Variants in RTL4 observed in about 807,000 individuals in gnomAD.
The protein encoded by RTL4 is retrotransposon Gag-like protein 4.
RTL4 carries 4 observed loss-of-function variants against 5.3 expected under a neutral mutation model. That is an observed-to-expected ratio of 0.75 (90% CI 0.37 to 1.72). The LOEUF is 1.72. Among genes scored for constraint, RTL4 ranks in the 40% most tolerant of loss-of-function variants. The pLI is 0.04. For synonymous variants in RTL4, 98 were observed against 87.3 expected, an observed-to-expected ratio of 1.12 and a Z score of -0.68; for missense variants, 260 against 227.1, an observed-to-expected ratio of 1.14 and a Z score of -0.93.
the RTL4 span, among the ~76,000 whole-genome samples, chrX:112,263,110 G>C: frequency 9.6e-6 from 1 of 104,062 alleles, no homozygotes; most frequent in South Asian, 4.6e-4. Context: ...TGTAAATGAC[G>C]AGTTAATGGG....
the RTL4 span, among the ~76,000 whole-genome samples, chrX:112,092,263 T>C: frequency 8.9e-6 from 1 of 112,019 alleles, no homozygotes; most frequent in Non-Finnish European, 1.9e-5. Context: ...TGTCTTTGTC[T>C]ATATGTAAAA....
chrX:112,222,424 A>G, the RTL4 span, among the ~76,000 whole-genome samples: 1 of 111,692 alleles, frequency 9.0e-6, no homozygotes, highest in Non-Finnish European at 1.9e-5. Flanking sequence ...CTGCAATAGT[A>G]AAGATATTCC....
the RTL4 span, among the ~76,000 whole-genome samples, chrX:112,366,165 T>C: frequency 9.0e-6 from 1 of 111,535 alleles, no homozygotes; most frequent in South Asian, 3.8e-4. Context: ...CATTAGCAGA[T>C]CTGAGCTTTA....
the RTL4 span, among the ~76,000 whole-genome samples, chrX:112,406,032 C>T: frequency 9.0e-6 from 1 of 110,628 alleles, no homozygotes; most frequent in Admixed American, 9.6e-5. Context: ...GCATTTAAAC[C>T]ACCCCTAGCC....
the RTL4 span, among the ~76,000 whole-genome samples, chrX:112,116,783 T>C: frequency 1.8e-5 from 2 of 111,447 alleles, no homozygotes; most frequent in African/African-American, 6.5e-5. Context: ...TCACTAAGAG[T>C]CCAACAAAGT....
chrX:112,118,799 T>G, the RTL4 span, among the ~76,000 whole-genome samples: 2 of 111,983 alleles, frequency 1.8e-5, no homozygotes, highest in Non-Finnish European at 3.8e-5. Flanking sequence ...TTTTAAAACT[T>G]AGTTTCTTTT....
At chrX:112,286,365 T>C in the RTL4 span, among the ~76,000 whole-genome samples, 1 of 111,700 alleles carries the variant, frequency 9.0e-6, no homozygotes, top group Non-Finnish European at 1.9e-5. Flanking sequence ...TTGTAGGCCA[T>C]AGGAGAATTG....
the RTL4 span, among the ~76,000 whole-genome samples, chrX:112,330,292 G>T: frequency 9.4e-6 from 1 of 106,479 alleles, no homozygotes; most frequent in African/African-American, 3.6e-5. Context: ...TCCTTAGGCT[G>T]ATAAGCAACT....
chrX:112,443,518 C>G, the RTL4 span, among the ~76,000 whole-genome samples: 16 of 111,970 alleles, frequency 1.4e-4, no homozygotes, highest in African/African-American at 5.2e-4. Context: ...CCAAGCTGTT[C>G]TCCACAGTGG....
chrX:112,242,371 T>C, the RTL4 span, among the ~76,000 whole-genome samples: 5 of 111,827 alleles, frequency 4.5e-5, no homozygotes, highest in South Asian at 1.1e-3. Context: ...TTTTATTTCA[T>C]TGAGCAGTGT....
At chrX:112,277,412 A>G in the RTL4 span, among the ~76,000 whole-genome samples, 1 of 112,038 alleles carries the variant, frequency 8.9e-6, no homozygotes, top group Non-Finnish European at 1.9e-5. Flanking sequence ...TTTTAAAAAC[A>G]ATATAAAGCC....
the RTL4 span, among the ~76,000 whole-genome samples, chrX:112,144,357 A>C: frequency 9.0e-6 from 1 of 111,358 alleles, no homozygotes; most frequent in Non-Finnish European, 1.9e-5. Context: ...CATCATTTTC[A>C]CCTGGAAGGC....
At chrX:112,240,007 T>C in the RTL4 span, among the ~76,000 whole-genome samples, 1 of 112,274 alleles carries the variant, frequency 8.9e-6, no homozygotes, top group Non-Finnish European at 1.9e-5. Flanking sequence ...GATTCAGATG[T>C]TGAAATTATC....
chrX:112,415,150 C>T, the RTL4 span, among the ~76,000 whole-genome samples: 2 of 111,526 alleles, frequency 1.8e-5, no homozygotes, highest in Non-Finnish European at 3.8e-5. Flanking sequence ...AATGAACACA[C>T]TCATATAACC....
At chrX:112,275,351 T>A in the RTL4 span, among the ~76,000 whole-genome samples, 14 of 111,109 alleles carry the variant, frequency 1.3e-4, no homozygotes, top group Non-Finnish European at 2.3e-4. Flanking sequence ...GTCAGTTAGA[T>A]TAGCTTTGGA....
At chrX:112,283,558 A>G in the RTL4 span, among the ~76,000 whole-genome samples, 1 of 111,577 alleles carries the variant, frequency 9.0e-6, no homozygotes, top group Non-Finnish European at 1.9e-5. Context: ...GGCTTATTGA[A>G]TAGATAAGAA....
At chrX:112,155,370 C>A in the RTL4 span, among the ~76,000 whole-genome samples, 1,786 of 110,986 alleles carry the variant, frequency 0.016, 37 homozygotes, top group African/African-American at 0.055. Flanking sequence ...TAAACAATTG[C>A]CACTGATTGT....
the RTL4 span, among the ~76,000 whole-genome samples, chrX:112,123,779 A>C: frequency 4.5e-4 from 50 of 112,025 alleles, no homozygotes; most frequent in African/African-American, 1.6e-3. Flanking sequence ...AGGCATGGAC[A>C]AAGACTTTAT....
the RTL4 span, among the ~76,000 whole-genome samples, chrX:112,378,522 G>C: frequency 7.2e-5 from 8 of 111,839 alleles, no homozygotes; most frequent in Admixed American, 2.8e-4. Flanking sequence ...AGAGGCATGT[G>C]ATATACCCAG....
Sources: allele counts gnomAD v4.1 joint callset (sites outside exome capture counted in the v4.1 genomes callset), GRCh38; gene constraint gnomAD v4.1.1; transcripts MANE v1.5; gene names NCBI Gene and HGNC (gene_info 2026-07-23, HGNC 2026-07-21).